YAE1: variants seen among roughly 807,000 people sequenced by gnomAD.
The protein encoded by YAE1 is YAE1 maturation factor of ABCE1.
YAE1 carries 22 observed loss-of-function variants against 23.0 expected under a neutral mutation model. The ratio of observed to expected loss-of-function variants is 0.96; its 90% confidence interval spans 0.68 to 1.37. YAE1 has a LOEUF of 1.37. Among genes scored for constraint, YAE1 ranks in the 40% most tolerant of loss-of-function variants. YAE1 has a pLI of 0.00. For synonymous variants in YAE1, 101 were observed against 97.0 expected, an observed-to-expected ratio of 1.04 and a Z score of -0.24; for missense variants, 260 against 262.1, an observed-to-expected ratio of 0.99 and a Z score of 0.06.
intron 2 of YAE1, among the ~76,000 whole-genome samples, chr7:39,586,429 C>A (rs1195701861): frequency 1.6e-4 from 24 of 151,440 alleles, no homozygotes; most frequent in Admixed American, 4.0e-4. Context: ...GCCTCAGCCT[C>A]CCAAAGTGCT....
intron 2 of YAE1, among the ~76,000 whole-genome samples, chr7:39,590,225 C>A (rs971299664): frequency 2.6e-5 from 4 of 152,122 alleles, no homozygotes; most frequent in African/African-American, 9.7e-5. Context: ...TTAAGATTCC[C>A]AACACAACTT....
intron 2 of YAE1, among the ~76,000 whole-genome samples, chr7:39,590,866 T>C (rs971624312): frequency 6.6e-6 from 1 of 152,352 alleles, no homozygotes; most frequent in African/African-American, 2.4e-5. Context: ...TTTCCCTTTC[T>C]TCCTTTCCCA....
chr7:39,572,361 G>A lies in YAE1; in HGVS notation c.336G>A (p.Gln112=). The A allele has an allele frequency of 6.2e-7, 1 of 1,614,136 alleles. No homozygotes were observed. Among genetic ancestry groups the A allele is most frequent in the Non-Finnish European group, 8.5e-7 (1 of 1,179,984 alleles). The change falls in exon 3 of 3, where the codon CAG becomes CAA. Residue 112 remains glutamine (Q), a synonymous_variant. Transcript: ENST00000223273. ...KINNLLDAVG[Q]CEEYVLKHLK... Reference sequence around the variant, plus strand: ...ACAATCTTCTGGATGCAGTTGGCCAGTGTGAAGAGTATGTGCTCAAACATC... The same window carrying A: ...ACAATCTTCTGGATGCAGTTGGCCAATGTGAAGAGTATGTGCTCAAACATC...
intron 2 of YAE1, among the ~76,000 whole-genome samples, chr7:39,599,069 G>A (rs543565539): frequency 1.3e-3 from 191 of 151,808 alleles, no homozygotes; most frequent in Middle Eastern, 0.01. Context: ...GTGAAACCCC[G>A]TCTCTACTAA....
rs567437176 is a variant in YAE1, at chr7:39,600,924, T to C, written c.252-8693T>C. On this transcript the variant is annotated intron_variant, in intron 2 of 2. Transcript: ENST00000432096. ...ATCTTGAACTTCTAGCCTCCAGAAC[T>C]ATGAGACAAACTATTTCTGTCGTTT... Among the ~76,000 whole-genome samples, 3 of 152,290 alleles carry C rather than the reference T, an allele frequency of 2.0e-5. No homozygotes were observed. The South Asian group carries it at 6.2e-4, about 32-fold the overall frequency.
exon 3 of YAE1, chr7:39,609,736 C>T (rs1165636343): frequency 2.5e-5 from 38 of 1,535,356 alleles, no homozygotes; most frequent in Non-Finnish European, 3.3e-5. Context: ...GGGGCGACAC[C>T]GAAGCAGCCC....
intron 2 of YAE1, 134 bp from the exon 3 acceptor site, chr7:39,572,143 A>C: frequency 3.3e-6 from 3 of 911,420 alleles, no homozygotes; most frequent in Non-Finnish European, 4.8e-6. Context: ...AAGCGTATAT[A>C]GAGTTATGAA....
chr7:39,608,576 T>C (rs941055995), intron 2 of YAE1, among the ~76,000 whole-genome samples: 1 of 152,196 alleles, frequency 6.6e-6, no homozygotes, highest in Non-Finnish European at 1.5e-5. Flanking sequence ...AACAAGTATT[T>C]ACAGAATGAC....
chr7:39,600,839 A>G (rs1435057200), intron 2 of YAE1, among the ~76,000 whole-genome samples: 1 of 152,232 alleles, frequency 6.6e-6, no homozygotes, highest in Non-Finnish European at 1.5e-5. Flanking sequence ...GCTAAGGGAG[A>G]GGCATGAAGC....
chr7:39,570,037 C>G, intron 1 of YAE1: 1 of 1,366,542 alleles, frequency 7.3e-7, no homozygotes, highest in Non-Finnish European at 1.0e-6. Flanking sequence ...CAGGGCACCA[C>G]GGGGCATAAA....
intron 2 of YAE1, among the ~76,000 whole-genome samples, chr7:39,584,140 C>G (rs1343046916): frequency 6.6e-6 from 1 of 152,092 alleles, no homozygotes. Context: ...TCACCACCCC[C>G]CACCCCATTA....
chr7:39,598,528 G>A (rs1345184453), intron 2 of YAE1, among the ~76,000 whole-genome samples: 1 of 151,532 alleles, frequency 6.6e-6, no homozygotes, highest in Non-Finnish European at 1.5e-5. Flanking sequence ...TATAATCCCA[G>A]CCCTTCGGTA....
In YAE1 at chr7:39,572,502, ACT is replaced by A; in HGVS notation, c.480_481del (p.Cys161Ter). 3 of 1,614,098 alleles carry A rather than the reference ACT, an allele frequency of 1.9e-6. No individual in the cohort carries two copies. The highest frequency in any genetic ancestry group is 1.3e-5 in the African/African-American group (1 of 75,046). Reference sequence around the variant, plus strand: ...AGATTGATGAAGCTAAAGATGAAAGACTCTGTGAAAATAATGCTGAGTTTAAC... The same window carrying A: ...AGATTGATGAAGCTAAAGATGAAAGACTGTGAAAATAATGCTGAGTTTAAC... Reference protein sequence around the residue: ...KKIDEAKDERLCENNAEFNKN... With the variant: ...KKIDEAKDERXCENNAEFNKN... On this transcript the variant is annotated frameshift_variant, in exon 3 of 3. Coordinates refer to ENST00000223273, the MANE Select transcript of YAE1 (RefSeq NM_020192.5). LOFTEE classifies it high-confidence loss of function.
intron 2 of YAE1, among the ~76,000 whole-genome samples, chr7:39,600,644 G>T (rs770534709): frequency 6.6e-6 from 1 of 152,068 alleles, no homozygotes; most frequent in Non-Finnish European, 1.5e-5. Flanking sequence ...TGATCCACCC[G>T]CCTCGGCCTC....
rs754395696 is a variant in YAE1, at chr7:39,592,613, A to G, written c.252-17004A>G. ...TGAAGCATCATATGTAGGCAACCATATGTAATTTTACTAGATATGAAATAG... is the reference window on the plus strand; with the variant it reads ...TGAAGCATCATATGTAGGCAACCATGTGTAATTTTACTAGATATGAAATAG... On this transcript the variant is annotated intron_variant, in intron 2 of 2. Transcript: ENST00000432096. Among the ~76,000 whole-genome samples, 17 of 152,336 alleles carry G rather than the reference A, an allele frequency of 1.1e-4. 1 individual carries two copies. Among genetic ancestry groups the G allele is most frequent in the South Asian group, 1.0e-3 (5 of 4,824 alleles).
At chr7:39,569,683 T>C in intron 1 of YAE1, 1 of 696,074 alleles carries the variant, frequency 1.4e-6, no homozygotes, top group South Asian at 1.4e-5. Context: ...GGCAATCCAA[T>C]GTCTTCAATA....
chr7:39,596,152 C>T (rs1790969368), intron 2 of YAE1, among the ~76,000 whole-genome samples: 1 of 152,110 alleles, frequency 6.6e-6, no homozygotes, highest in African/African-American at 2.4e-5. Flanking sequence ...TGAAAAGTAA[C>T]AAAATAAAAT....
chr7:39,571,974 G>C (rs1379343210), intron 2 of YAE1, among the ~76,000 whole-genome samples: 1 of 152,140 alleles, frequency 6.6e-6, no homozygotes, highest in Non-Finnish European at 1.5e-5. Flanking sequence ...ATAGGGGTCA[G>C]AGCTCTTCAG....
intron 2 of YAE1, among the ~76,000 whole-genome samples, chr7:39,584,122 A>T (rs1790780946): frequency 6.6e-6 from 1 of 152,150 alleles, no homozygotes; most frequent in Non-Finnish European, 1.5e-5. Context: ...AATTAGCATG[A>T]TTTCTCCTCA....
Sources: allele counts gnomAD v4.1 joint callset (sites outside exome capture counted in the v4.1 genomes callset), GRCh38; gene constraint gnomAD v4.1.1; transcripts MANE v1.5; gene names NCBI Gene and HGNC (gene_info 2026-07-23, HGNC 2026-07-21).